SPEG: variants seen among roughly 807,000 people sequenced by gnomAD.
The protein encoded by SPEG is striated muscle enriched protein kinase.
SPEG carries 114 observed loss-of-function variants against 300.4 expected under a neutral mutation model. That is an observed-to-expected ratio of 0.38 (90% CI 0.33 to 0.44). The LOEUF (loss-of-function observed/expected upper bound fraction) is 0.44, where lower values mean the gene tolerates loss of function less well. Among genes scored for constraint, SPEG ranks in the 20% least tolerant of loss-of-function variants. The probability of loss-of-function intolerance (pLI) is 1.00; values close to 1 mark genes in which losing one functional copy is unlikely to be tolerated. For synonymous variants in SPEG, 1,964 were observed against 2,018.9 expected (o/e 0.97, Z 0.73); for missense variants, 4,201 against 4,586.2 (o/e 0.92, Z 2.43).
chr2:219,492,843 G>C lies in SPEG; in HGVS notation c.*57G>C. 1.3e-6 allele frequency: 2 copies of C among 1,502,062 alleles called. No homozygotes were observed. Among genetic ancestry groups the C allele is most frequent in the Non-Finnish European group, 1.8e-6 (2 of 1,117,044 alleles). 93.0% of individuals were successfully genotyped at this position (1,502,062 alleles called of 1,614,324 possible). On this transcript the variant is annotated 3_prime_UTR_variant, in exon 41 of 41. Coordinates refer to ENST00000312358, the MANE Select transcript of SPEG (RefSeq NM_005876.5). ...AACTGGGGTTCCCACCAATGCCACG[G>C]GACATTCCAGGGCCCACGCTGAGCC...
At chr2:219,463,849 G>A (rs565980825) in intron 8 of SPEG, among the ~76,000 whole-genome samples, 4 of 152,256 alleles carry the variant, frequency 2.6e-5, no homozygotes, top group Non-Finnish European at 4.4e-5. Context: ...GGTCAGGCAT[G>A]AGGGCTCAAT....
At chr2:219,441,181 G>A (rs1448612396) in intron 1 of SPEG, among the ~76,000 whole-genome samples, 1 of 152,220 alleles carries the variant, frequency 6.6e-6, no homozygotes, top group Non-Finnish European at 1.5e-5. Context: ...TGTGCATAGT[G>A]CTGAATAGGG....
chr2:219,446,101 G>A (rs1005226649), intron 3 of SPEG, among the ~76,000 whole-genome samples: 2 of 152,010 alleles, frequency 1.3e-5, no homozygotes, highest in South Asian at 2.1e-4. Context: ...GGGGCCTGGT[G>A]GGGGAGGCTG....
Position 219,476,859 on chromosome 2 carries a change from A to G in SPEG, c.4448-11A>G. On this transcript the variant is annotated splice_polypyrimidine_tract_variant and intron_variant, in intron 18 of 40. Coordinates refer to ENST00000312358, the MANE Select transcript of SPEG (RefSeq NM_005876.5). ...CCCTTCTCTTCCCACCCCTATCCCC[A>G]TGTGTTTCAGAGGCCCCTCGGTTTG... 6.2e-7 allele frequency: 1 copy of G among 1,607,802 alleles called. No individual in the cohort carries two copies. Among genetic ancestry groups the G allele is most frequent in the Non-Finnish European group, 8.5e-7 (1 of 1,174,756 alleles).
chr2:219,478,122 T>C lies in SPEG; in HGVS notation c.5027+17T>C, dbSNP rs1213157317. 1 of 1,609,266 alleles carries C rather than the reference T, an allele frequency of 6.2e-7. No individual in the cohort carries two copies. Among genetic ancestry groups the C allele is most frequent in the South Asian group, 1.1e-5 (1 of 90,980 alleles). On this transcript the variant is annotated intron_variant, in intron 22 of 40. Coordinates refer to ENST00000312358, the MANE Select transcript of SPEG (RefSeq NM_005876.5). ...CACCGAGCTGTATCCTGGGACAGGC[T>C]GGGGGCTAGGGGGATCCATGCCTAA...
chr2:219,468,517 G>A (rs1449360693), intron 10 of SPEG, 61 bp from the exon 11 acceptor site: 22 of 1,567,884 alleles, frequency 1.4e-5, no homozygotes, highest in East Asian at 4.5e-5. Flanking sequence ...CAGGAGTGGT[G>A]GGTTGGGATG....
Position 219,459,290 on chromosome 2 carries a change from A to G in SPEG, c.2441-2592A>G, listed in dbSNP as rs1338125355. On this transcript the variant is annotated intron_variant, in intron 6 of 40. Transcript: ENST00000312358. The surrounding 1 kb of genome is among the most constrained non-coding windows in gnomAD (Gnocchi z 4.9). ...GTGTAACTGTGTTTGCCACAGTGAG[A>G]GTTGGGCTTGTGGGTGCAGCAGGGC... 1.3e-5 allele frequency among the ~76,000 whole-genome samples: 2 copies of G among 152,056 alleles called. No individual in the cohort carries two copies. The highest frequency in any genetic ancestry group is 2.9e-5 in the Non-Finnish European group (2 of 68,000).
chr2:219,466,179 G>A, intron 9 of SPEG: 2 of 1,500,182 alleles, frequency 1.3e-6, no homozygotes, highest in African/African-American at 1.4e-5. Context: ...CAGGCCTGCC[G>A]GCCCGGACCC....
chr2:219,452,171 G>A (rs1201741853), intron 6 of SPEG, among the ~76,000 whole-genome samples: 1 of 152,196 alleles, frequency 6.6e-6, no homozygotes, highest in African/African-American at 2.4e-5. Flanking sequence ...TCCGCTCACA[G>A]GGTTTAAGAG....
At position 219,484,492 on chromosome 2, in the gene SPEG, G is replaced by T. The variant is rs1305740900; in HGVS notation, c.7029G>T (p.Ser2343=). The change falls in exon 30 of 41, where the codon TCG becomes TCT. Residue 2343 remains serine, a synonymous_variant. Coordinates refer to ENST00000312358, the MANE Select transcript of SPEG (RefSeq NM_005876.5). ...FEAKFKRSRE[S]PLSLGLRLLS... is the part of the protein sequence containing the mutation. The stretch of plus-strand genomic sequence containing the variant: ...CCAAGTTCAAGCGCAGCCGCGAGTC[G>T]CCCCTGTCGCTGGGGCTGCGGCTGC... 1.2e-6 allele frequency: 2 copies of T among 1,607,334 alleles called. No individual in the cohort carries two copies. The highest frequency in any genetic ancestry group is 1.7e-6 in the Non-Finnish European group (2 of 1,178,580).
chr2:219,481,771 G>T lies in SPEG; in HGVS notation c.5565+91G>T. 8.7e-7 allele frequency: 1 copy of T among 1,151,420 alleles called. No individual in the cohort carries two copies. The highest frequency in any genetic ancestry group is 1.2e-5 in the South Asian group (1 of 80,108). 71.3% of individuals were successfully genotyped at this position (1,151,420 alleles called of 1,614,324 possible). A position where few individuals can be genotyped will look rare whatever the true frequency, so the allele number is the denominator to read the frequency against. Reference sequence around the variant, plus strand: ...ATTTATTGAGTACCTACTGTGTGCAGTAACCACGTTAGGCATTGTATGTAC... The same window carrying T: ...ATTTATTGAGTACCTACTGTGTGCATTAACCACGTTAGGCATTGTATGTAC... On this transcript the variant is annotated intron_variant, in intron 28 of 40. Coordinates refer to ENST00000312358, the MANE Select transcript of SPEG (RefSeq NM_005876.5). This position sits in a 1 kb window ranked among gnomAD's most constrained non-coding sequence, Gnocchi z 5.4.
chr2:219,484,559 G>T lies in SPEG; in HGVS notation c.7096G>T (p.Ala2366Ser). The change falls in exon 30 of 41, where the codon GCC (alanine) becomes TCC (serine). Residue 2366 changes from alanine to serine, a missense_variant. Coordinates refer to ENST00000312358, the MANE Select transcript of SPEG (RefSeq NM_005876.5). ...RSEERGPFRG[A>S]EEEDGIYRPS... ...GGAGGAGCGCGGCCCCTTCCGTGGG[G>T]CCGAGGAGGAGGATGGCATATACCG... The T allele has an allele frequency of 6.3e-7, 1 of 1,588,626 alleles. No homozygotes were observed. Among genetic ancestry groups the T allele is most frequent in the South Asian group, 1.1e-5 (1 of 89,142 alleles).
At position 219,493,056 on chromosome 2, in the gene SPEG, A is replaced by G; in HGVS notation, c.*270A>G. On this transcript the variant is annotated 3_prime_UTR_variant, in exon 41 of 41. Transcript: ENST00000312358. ...CAGAGGGACAAGAGGGGAATGGAGA[A>G]GTGGAGAGGAAAAGGAATCGAGGGA... The G allele has an allele frequency of 1.5e-6, 1 of 682,554 alleles. No homozygotes were observed. Among genetic ancestry groups the G allele is most frequent in the Non-Finnish European group, 2.7e-6 (1 of 372,478 alleles). 42.3% of individuals were successfully genotyped at this position (682,554 alleles called of 1,614,324 possible).
At chr2:219,492,307 G>T in intron 40 of SPEG, 47 bp downstream of exon 40, 1 of 1,581,506 alleles carries the variant, frequency 6.3e-7, no homozygotes, top group Non-Finnish European at 8.6e-7. Flanking sequence ...CCTGCCCCTG[G>T]CCTGGCCTGT....
rs1261283023 is a variant in SPEG at position 219,489,127 on chromosome 2, C to T, written c.8223C>T (p.Gly2741=). Residue 2741 remains glycine (G), a synonymous_variant, in exon 35 of 41, where the codon GGC becomes GGT. Transcript: ENST00000312358. ...CYYNVTHLPV[G]VTVRFRVACA... is the part of the protein sequence containing the mutation. ...ACAACGTGACCCACCTGCCAGTTGG[C>T]GTGACTGTGAGGTTCCGTGTGGCCT... 13 of 1,613,826 alleles carry T rather than the reference C, an allele frequency of 8.1e-6. No homozygotes were observed. The highest frequency in any genetic ancestry group is 2.2e-5 in the East Asian group (1 of 44,884).
Position 219,480,249 on chromosome 2 carries a change from G to T in SPEG, c.5342+109G>T. On this transcript the variant is annotated intron_variant, in intron 25 of 40. Transcript: ENST00000312358. The surrounding 1 kb of genome is among the most constrained non-coding windows in gnomAD (Gnocchi z 5.3). ...TACCGAGCCTGAATTCCTCCTGAAGGTGGGCTGGAGGCATTGTTTGCAGGG... is the reference window on the plus strand; with the variant it reads ...TACCGAGCCTGAATTCCTCCTGAAGTTGGGCTGGAGGCATTGTTTGCAGGG... 8.2e-7 allele frequency: 1 copy of T among 1,213,020 alleles called. No individual in the cohort carries two copies. The highest frequency in any genetic ancestry group is 1.2e-6 in the Non-Finnish European group (1 of 857,542). The allele number at this position is 1,213,020 out of a possible 1,614,324, so 75.1% of individuals were successfully genotyped here.
At chr2:219,462,812 G>A (rs777559206) in intron 8 of SPEG, among the ~76,000 whole-genome samples, 3 of 152,216 alleles carry the variant, frequency 2.0e-5, no homozygotes, top group African/African-American at 7.2e-5. Context: ...CAGCTACTTG[G>A]GAGGCTGAGG....
chr2:219,450,921 G>A, intron 4 of SPEG: 1 of 515,704 alleles, frequency 1.9e-6, no homozygotes. Flanking sequence ...ATGGAGTCAA[G>A]GCTGCCCTGA....
chr2:219,444,217 G>A lies in SPEG; in HGVS notation c.389-436G>A, dbSNP rs952800899. Among the ~76,000 whole-genome samples the A allele has an allele frequency of 5.9e-5, 9 of 152,148 alleles. No homozygotes were observed. The highest frequency in any genetic ancestry group is 1.4e-4 in the African/African-American group (6 of 41,422). ...GGTTGGTCGAGTGCCCTGGCAGTACGACTCTGAGGTGACTCCTCTTTGTTC... is the reference window on the plus strand; with the variant it reads ...GGTTGGTCGAGTGCCCTGGCAGTACAACTCTGAGGTGACTCCTCTTTGTTC... On this transcript the variant is annotated intron_variant, in intron 1 of 40. Coordinates refer to ENST00000312358, the MANE Select transcript of SPEG (RefSeq NM_005876.5). This position sits in a 1 kb window ranked among gnomAD's most constrained non-coding sequence, Gnocchi z 7.8.
Sources: allele counts gnomAD v4.1 joint callset (sites outside exome capture counted in the v4.1 genomes callset), GRCh38; gene constraint gnomAD v4.1.1; non-coding constraint Gnocchi (gnomAD v3.1); transcripts MANE v1.5; gene names NCBI Gene and HGNC (gene_info 2026-07-23, HGNC 2026-07-21).